The following PDCD10 variants were observed in gnomAD, a reference collection of about 807,000 sequenced individuals.
The protein encoded by PDCD10 is programmed cell death protein 10.
PDCD10 carries 4 observed loss-of-function variants against 29.2 expected under a neutral mutation model. The observed-to-expected ratio is 0.14, with a 90% CI of 0.07 to 0.31. The LOEUF is 0.31. Among genes scored for constraint, PDCD10 ranks in the 10% least tolerant of loss-of-function variants. The pLI is 1.00. For synonymous variants in PDCD10, 70 were observed against 82.2 expected (o/e 0.85, Z 0.80); for missense variants, 183 against 257.9 (o/e 0.71, Z 1.99).
At chr3:167,732,608 T>C (rs1724936170) in intron 2 of PDCD10, among the ~76,000 whole-genome samples, 1 of 152,166 alleles carries the variant, frequency 6.6e-6, no homozygotes, top group Non-Finnish European at 1.5e-5. Flanking sequence ...ATAATTGGCC[T>C]CAGAGATAAA....
chr3:167,686,649 T>C (rs1028068315), intron 8 of PDCD10, among the ~76,000 whole-genome samples: 2 of 152,182 alleles, frequency 1.3e-5, no homozygotes, highest in Non-Finnish European at 2.9e-5. Context: ...GGCTCCATCC[T>C]AGACCTACGA....
At chr3:167,686,223 A>G (rs1471072338) in intron 8 of PDCD10, among the ~76,000 whole-genome samples, 3 of 152,192 alleles carry the variant, frequency 2.0e-5, no homozygotes, top group Non-Finnish European at 4.4e-5. Flanking sequence ...TTTATACATT[A>G]TACGTATGCA....
chr3:167,699,389 G>C (rs74368357), intron 4 of PDCD10, among the ~76,000 whole-genome samples: 1 of 152,080 alleles, frequency 6.6e-6, no homozygotes, highest in Non-Finnish European at 1.5e-5. Flanking sequence ...AAAATACTTC[G>C]TGGCACCCCT....
At chr3:167,721,840 T>C (rs1723604152) in intron 2 of PDCD10, among the ~76,000 whole-genome samples, 1 of 152,122 alleles carries the variant, frequency 6.6e-6, no homozygotes. Context: ...CTTAGTTAAG[T>C]AGATGGCTTT....
chr3:167,727,796 A>C (rs1724365705), intron 2 of PDCD10, among the ~76,000 whole-genome samples: 1 of 152,208 alleles, frequency 6.6e-6, no homozygotes, highest in Non-Finnish European at 1.5e-5. Context: ...TAATGGCTTA[A>C]GATCCTCTAA....
intron 3 of PDCD10, among the ~76,000 whole-genome samples, chr3:167,712,401 G>C (rs1370997550): frequency 2.6e-5 from 4 of 151,892 alleles, no homozygotes; most frequent in Non-Finnish European, 5.9e-5. Flanking sequence ...ACATCAGTTT[G>C]AAATAATAGG....
rs140764526 is a variant in PDCD10, at chr3:167,710,533, G to C, written c.97-5638C>G. On this transcript the variant is annotated intron_variant, in intron 3 of 8. Coordinates refer to ENST00000392750, the MANE Select transcript of PDCD10 (RefSeq NM_007217.4). ...TGCTTTCAGTGCCAGCTTAGCCACA[G>C]TAGGAAAGAACACTAGGTAGATTTC... 1.7e-3 allele frequency among the ~76,000 whole-genome samples: 266 copies of C among 152,344 alleles called. 3 individuals carry two copies. The highest frequency in any genetic ancestry group is 6.3e-3 in the African/African-American group (260 of 41,578).
chr3:167,717,343 G>A (rs1460197504), intron 3 of PDCD10, among the ~76,000 whole-genome samples: 2 of 151,940 alleles, frequency 1.3e-5, no homozygotes, highest in Admixed American at 1.3e-4. Context: ...AGGTGAGAAG[G>A]AATAATCATT....
At chr3:167,714,450 T>C (rs952843263) in intron 3 of PDCD10, among the ~76,000 whole-genome samples, 1 of 152,008 alleles carries the variant, frequency 6.6e-6, no homozygotes, top group East Asian at 1.9e-4. Flanking sequence ...TAGAGCAAAC[T>C]ATACAAGAGA....
In PDCD10 at chr3:167,726,114, GTTTT is replaced by G. The variant is rs751342370; in HGVS notation, c.-116-5845_-116-5842del. On this transcript the variant is annotated intron_variant, in intron 2 of 8. Transcript: ENST00000392750. ...GCACTTACATATTTTGTAGAGTACTGTTTTTTTTTTTTTTTTTTTTTTTTGAGAC... is the reference window on the plus strand; with the variant it reads ...GCACTTACATATTTTGTAGAGTACTGTTTTTTTTTTTTTTTTTTTTGAGAC... Among the ~76,000 whole-genome samples, 570 of 85,738 alleles carry G rather than the reference GTTTT, an allele frequency of 6.6e-3. 1 individual carries two copies. Among genetic ancestry groups the G allele is most frequent in the African/African-American group, 0.022 (459 of 21,234 alleles). 56.2% of individuals were successfully genotyped at this position (85,738 alleles called of 152,430 possible).
At chr3:167,730,078 T>C (rs961393064) in intron 2 of PDCD10, among the ~76,000 whole-genome samples, 2 of 152,126 alleles carry the variant, frequency 1.3e-5, no homozygotes, top group Non-Finnish European at 2.9e-5. Flanking sequence ...CATTTAAATT[T>C]TGTAGCTTAA....
At position 167,683,840 on chromosome 3, in the gene PDCD10, CAT is replaced by C. The variant is rs5854245; in HGVS notation, c.*466_*467del. 66,769 of 135,374 alleles carry C rather than the reference CAT, an allele frequency of 0.49. 17,253 individuals are homozygous for C. The highest frequency in any genetic ancestry group is 0.73 in the African/African-American group (27,217 of 37,352). The allele number at this position is 135,374 out of a possible 1,614,324, so 8.4% of individuals were successfully genotyped here. A position where few individuals can be genotyped will look rare whatever the true frequency, so the allele number is the denominator to read the frequency against. On this transcript the variant is annotated 3_prime_UTR_variant, in exon 9 of 9. Transcript: ENST00000392750. ...CACCAAGTTGTCTTGGTCTTCTGTT[CAT>C]ATATATATATATATATATATATATA...
chr3:167,731,629 C>G (rs1724824860), intron 2 of PDCD10, among the ~76,000 whole-genome samples: 1 of 152,110 alleles, frequency 6.6e-6, no homozygotes, highest in Non-Finnish European at 1.5e-5. Context: ...TTTACTGAAC[C>G]CTTACAATGT....
intron 4 of PDCD10, among the ~76,000 whole-genome samples, chr3:167,699,301 A>C (rs1201615311): frequency 6.6e-6 from 1 of 152,190 alleles, no homozygotes; most frequent in Non-Finnish European, 1.5e-5. Context: ...CAATATGCTA[A>C]ATTGCAATCC....
In PDCD10 at chr3:167,687,282, T is replaced by C; in HGVS notation, c.509A>G (p.Tyr170Cys). The C allele has an allele frequency of 6.3e-7, 1 of 1,591,000 alleles. No homozygotes were observed. The highest frequency in any genetic ancestry group is 1.1e-5 in the South Asian group (1 of 90,358). The change falls in exon 8 of 9, where the codon TAC becomes TGC. Residue 170 changes from tyrosine to cysteine, a missense_variant. By Grantham distance (194) the Tyr-to-Cys change is radical. Transcript: ENST00000392750. Reference protein sequence around the residue: ...LEHQKKEFVKYSKSFSDTLKT... With the variant: ...LEHQKKEFVKCSKSFSDTLKT... ...CAGAGTATCACTGAAACTTTTGGAG[T>C]ACTTTACAAATTCTTTCTTTTGGTG... is the stretch of plus-strand genomic sequence containing the variant.
intron 3 of PDCD10, among the ~76,000 whole-genome samples, chr3:167,709,784 C>T (rs1722347561): frequency 8.6e-6 from 1 of 116,270 alleles, no homozygotes; most frequent in African/African-American, 3.5e-5. Context: ...ACTCCTCCCC[C>T]AGTCCCAGGC....
intron 2 of PDCD10, among the ~76,000 whole-genome samples, chr3:167,732,302 TCTTACAGAC>T (rs1724901589): frequency 6.6e-6 from 1 of 152,192 alleles, no homozygotes; most frequent in Admixed American, 6.5e-5. Context: ...CAGCCCCTAT[TCTTACAGAC>T]CTTACATCCT....
intron 2 of PDCD10, among the ~76,000 whole-genome samples, chr3:167,723,940 T>C (rs1723837069): frequency 6.6e-6 from 1 of 152,228 alleles, no homozygotes; most frequent in African/African-American, 2.4e-5. Context: ...CAGCTTTAAA[T>C]ATCTTCCTGA....
rs1046904652 is a variant in PDCD10, at chr3:167,683,866, T to TAC, written c.*440_*441dup. ...ATATATATATATATATATATATATA[T>TAC]ACACACATATATATATGCATTTTTT... On this transcript the variant is annotated 3_prime_UTR_variant, in exon 9 of 9. Coordinates refer to ENST00000392750, the MANE Select transcript of PDCD10 (RefSeq NM_007217.4). 6.6e-5 allele frequency: 9 copies of TAC among 137,094 alleles called. No individual in the cohort carries two copies. The highest frequency in any genetic ancestry group is 3.9e-4 in the East Asian group (2 of 5,190). The allele number at this position is 137,094 out of a possible 1,614,324, so 8.5% of individuals were successfully genotyped here. A position where few individuals can be genotyped will look rare whatever the true frequency, so the allele number is the denominator to read the frequency against.
Sources: gnomAD v4.1 joint callset for allele counts (sites outside exome capture counted in the v4.1 genomes callset) on GRCh38, gnomAD v4.1.1 for gene constraint, MANE v1.5 for transcripts, NCBI Gene and HGNC (gene_info 2026-07-23, HGNC 2026-07-21) for gene names.